The following ZNF366 variants were observed in gnomAD, a reference collection of about 807,000 sequenced individuals.
ZNF366 encodes dendritic cell-specific transcript protein.
A neutral mutation model predicts 47.2 loss-of-function variants in ZNF366; 20 were observed. The observed-to-expected ratio is 0.42, with a 90% confidence interval of 0.30 to 0.62. The LOEUF (loss-of-function observed/expected upper bound fraction) is 0.62. Among genes scored for constraint, ZNF366 ranks in the 20% least tolerant of loss-of-function variants. ZNF366 has a pLI of 0.16. For missense variants in ZNF366, 987 were observed against 976.3 expected, an observed-to-expected ratio of 1.01 and a Z score of -0.15; for synonymous variants, 421 against 395.1, an observed-to-expected ratio of 1.07 and a Z score of -0.78.
At position 72,443,892 on chromosome 5, in the gene ZNF366, A is replaced by C. The variant is rs1201219607; in HGVS notation, c.2099T>G (p.Leu700Arg). 6.2e-7 allele frequency: 1 copy of C among 1,614,098 alleles called. No homozygotes were observed. The highest frequency in any genetic ancestry group is 8.5e-7 in the Non-Finnish European group (1 of 1,180,046). ...GGTACTCTGAAAAGCCCTGAGACTG[A>C]GACACTCATCTCTGCCGGCACAGTC... ...ERDCAGRDEC[L>R]SLRAFQSTRR... Residue 700 changes from leucine to arginine, a missense_variant, in exon 5 of 5, where the codon CTC becomes CGC. Physicochemically the swap from Leu to Arg is moderately radical, Grantham distance 102. Around this residue, in one of 3 missense-constraint regions of ZNF366, gnomAD observed 285 missense variants for 234.8 expected, o/e 1.21. Coordinates refer to ENST00000318442, the MANE Select transcript of ZNF366 (RefSeq NM_152625.3).
chr5:72,498,453 T>C (rs2112356498), intron 1 of ZNF366, among the ~76,000 whole-genome samples: 1 of 152,298 alleles, frequency 6.6e-6, no homozygotes, highest in African/African-American at 2.4e-5. Context: ...TCCTCTATTC[T>C]CTGACTCCAA....
chr5:72,485,597 T>G (rs1042270293), intron 1 of ZNF366, among the ~76,000 whole-genome samples: 1 of 152,200 alleles, frequency 6.6e-6, no homozygotes, highest in African/African-American at 2.4e-5. Flanking sequence ...CTCCTGACTC[T>G]TCTCCTGTCT....
chr5:72,444,587 CTG>C (rs762920129), intron 4 of ZNF366, among the ~76,000 whole-genome samples: 2 of 150,680 alleles, frequency 1.3e-5, no homozygotes, highest in African/African-American at 2.4e-5. Flanking sequence ...GCACAAAACA[CTG>C]TGTGGATGCA....
Position 72,442,018 on chromosome 5 carries a change from A to C in ZNF366, c.*1738T>G, listed in dbSNP as rs1742862973. On this transcript the variant is annotated 3_prime_UTR_variant, in exon 5 of 5. Transcript: ENST00000318442. ...ATCATGGTTCAAGCATCTGGGAAGA[A>C]ATAATGAGTCACCATAGGCCAGTCA... The C allele has an allele frequency of 1.4e-5, 2 of 146,078 alleles. No homozygotes were observed. The highest frequency in any genetic ancestry group is 2.6e-5 in the African/African-American group (1 of 39,062). The allele number at this position is 146,078 out of a possible 1,614,324, so 9.0% of individuals were successfully genotyped here.
At chr5:72,485,781 T>C in intron 1 of ZNF366, among the ~76,000 whole-genome samples, 1 of 152,156 alleles carries the variant, frequency 6.6e-6, no homozygotes, top group East Asian at 1.9e-4. Context: ...TTTCTCCCTG[T>C]TACTCCTATG....
intron 1 of ZNF366, among the ~76,000 whole-genome samples, chr5:72,483,231 T>G (rs1282889886): frequency 6.6e-6 from 1 of 152,182 alleles, no homozygotes; most frequent in Non-Finnish European, 1.5e-5. Flanking sequence ...CCTCACAATG[T>G]CTTGGGTAGT....
chr5:72,458,664 C>A (rs1032973438), intron 2 of ZNF366, among the ~76,000 whole-genome samples: 7 of 152,164 alleles, frequency 4.6e-5, no homozygotes, highest in Admixed American at 1.3e-4. Context: ...CCTGAGTGAC[C>A]TCCCATGCCT....
chr5:72,504,348 C>G (rs1000180850), intron 1 of ZNF366, among the ~76,000 whole-genome samples: 2 of 152,170 alleles, frequency 1.3e-5, no homozygotes, highest in Non-Finnish European at 2.9e-5. Flanking sequence ...TAACACAGAG[C>G]TCAAGCAGTT....
intron 4 of ZNF366, 76 bp from the exon 5 acceptor site, chr5:72,444,367 CG>C: frequency 6.7e-7 from 1 of 1,502,366 alleles, no homozygotes; most frequent in Non-Finnish European, 8.9e-7. Context: ...GGGAGCAGCC[CG>C]GGGCCGTTTA....
At chr5:72,466,310 A>G (rs2112333124) in intron 1 of ZNF366, among the ~76,000 whole-genome samples, 1 of 152,328 alleles carries the variant, frequency 6.6e-6, no homozygotes, top group Admixed American at 6.5e-5. Flanking sequence ...TATTACGGAG[A>G]TGTTTTCAAG....
chr5:72,488,829 C>A (rs1315291758), intron 1 of ZNF366, among the ~76,000 whole-genome samples: 1 of 152,230 alleles, frequency 6.6e-6, no homozygotes, highest in Non-Finnish European at 1.5e-5. Context: ...AAGCTGACAT[C>A]ACAAAACCTG....
At chr5:72,457,952 A>T (rs941878725) in intron 2 of ZNF366, among the ~76,000 whole-genome samples, 3 of 151,566 alleles carry the variant, frequency 2.0e-5, no homozygotes, top group African/African-American at 7.3e-5. Context: ...TGAGTTTAAG[A>T]TTATAAAATT....
chr5:72,471,970 C>A lies in ZNF366; in HGVS notation c.-14-10460G>T, dbSNP rs182957003. Among the ~76,000 whole-genome samples, 267 of 152,300 alleles carry A rather than the reference C, an allele frequency of 1.8e-3. 1 individual carries two copies. The highest frequency in any genetic ancestry group is 6.2e-3 in the African/African-American group (259 of 41,552). On this transcript the variant is annotated intron_variant, in intron 1 of 4. Coordinates refer to ENST00000318442, the MANE Select transcript of ZNF366 (RefSeq NM_152625.3). ...GCCTAAGGTCTTTGGATGCTCCTGTCAGACTTCACCCAGGCTTTTTCTTTG... is the reference window on the plus strand; with the variant it reads ...GCCTAAGGTCTTTGGATGCTCCTGTAAGACTTCACCCAGGCTTTTTCTTTG...
chr5:72,460,701 A>G lies in ZNF366; in HGVS notation c.796T>C (p.Tyr266His), dbSNP rs1410318134. The part of the protein sequence containing the change: ...PTCEKSYTSK[Y>H]NLVTHILGHS... The stretch of plus-strand genomic sequence containing the variant: ...CCCAGGATGTGGGTGACCAGGTTGT[A>G]CTTGGAGGTGTAGGACTTCTCGCAG... The change falls in exon 2 of 5, where the codon TAC (tyrosine) becomes CAC (histidine). Residue 266 changes from tyrosine to histidine, a missense_variant. By Grantham distance (83) the Tyr-to-His change is moderately conservative. Around this residue, in one of 3 missense-constraint regions of ZNF366, gnomAD observed 591 missense variants for 560.9 expected, o/e 1.05. Transcript: ENST00000318442. 1.9e-6 allele frequency: 3 copies of G among 1,614,188 alleles called. No individual in the cohort carries two copies. Among genetic ancestry groups the G allele is most frequent in the South Asian group, 2.2e-5 (2 of 91,086 alleles).
chr5:72,498,733 T>C (rs1465392210), intron 1 of ZNF366, among the ~76,000 whole-genome samples: 1 of 152,224 alleles, frequency 6.6e-6, no homozygotes, highest in African/African-American at 2.4e-5. Context: ...TAATCTTTTA[T>C]AACAACCAGT....
intron 1 of ZNF366, among the ~76,000 whole-genome samples, chr5:72,463,573 G>T (rs1391667048): frequency 6.6e-6 from 1 of 152,154 alleles, no homozygotes; most frequent in Non-Finnish European, 1.5e-5. Context: ...TGCAATGCTA[G>T]ATCTTCTTCC....
intron 4 of ZNF366, among the ~76,000 whole-genome samples, chr5:72,445,583 A>C (rs1742942747): frequency 6.6e-6 from 1 of 152,230 alleles, no homozygotes; most frequent in South Asian, 2.1e-4. Flanking sequence ...AAAATTTTTC[A>C]AAGCAACCCT....
intron 1 of ZNF366, among the ~76,000 whole-genome samples, chr5:72,485,714 T>A (rs1313940733): frequency 6.6e-6 from 1 of 152,178 alleles, no homozygotes; most frequent in African/African-American, 2.4e-5. Flanking sequence ...TGATTTTCCA[T>A]CTATTTCAGA....
chr5:72,465,522 C>T (rs1443045881), intron 1 of ZNF366, among the ~76,000 whole-genome samples: 2 of 152,156 alleles, frequency 1.3e-5, no homozygotes, highest in African/African-American at 2.4e-5. Context: ...ATGCTCCGCT[C>T]TATTTCTTAA....
Sources: gnomAD v4.1 joint callset for allele counts (sites outside exome capture counted in the v4.1 genomes callset) on GRCh38, gnomAD v4.1.1 for gene constraint, gnomAD v4.1.1 regional missense constraint, MANE v1.5 for transcripts, NCBI Gene and HGNC (gene_info 2026-07-23, HGNC 2026-07-21) for gene names.